NRP2: variants seen among roughly 807,000 people sequenced by gnomAD.
The protein encoded by NRP2 is neuropilin-2.
In NRP2, 52 loss-of-function variants were observed where a neutral mutation model predicts 110.4. The observed-to-expected ratio is 0.47, with a 90% CI of 0.38 to 0.59. The LOEUF (loss-of-function observed/expected upper bound fraction) is 0.59, where lower values mean the gene tolerates loss of function less well. Ranked by LOEUF, NRP2 falls within the 20% of genes least tolerant of loss-of-function variation. The probability of loss-of-function intolerance (pLI) is 0.00; values close to 1 mark genes in which losing one functional copy is unlikely to be tolerated. For synonymous variants in NRP2, 508 were observed against 468.9 expected (o/e 1.08, Z -1.08); for missense variants, 1,049 against 1,203.0 (o/e 0.87, Z 1.89).
intron 1 of NRP2, among the ~76,000 whole-genome samples, chr2:205,683,808 C>T (rs1189052848): frequency 6.6e-6 from 1 of 152,116 alleles, no homozygotes; most frequent in Non-Finnish European, 1.5e-5. Context: ...AACTGAAGGG[C>T]TTGGGAAAGA....
chr2:205,765,480 T>C lies in NRP2; in HGVS notation c.2314T>C (p.Phe772Leu). Residue 772 changes from phenylalanine to leucine, a missense_variant, in exon 14 of 17, where the codon TTC (phenylalanine) becomes CTC (leucine). Transcript: ENST00000357785. ...PSYDMEYQIV[F>L]EGVIGKGRSG... ...TTATTCTTCCGGCTTCTAGATTGTG[T>C]TCGAGGGAGTGATAGGGAAAGGACG... The C allele has an allele frequency of 6.2e-7, 1 of 1,614,018 alleles. No individual in the cohort carries two copies.
intron 15 of NRP2, chr2:205,778,156 C>A (rs936001353): frequency 1.3e-5 from 2 of 152,016 alleles, no homozygotes; most frequent in African/African-American, 4.8e-5. Flanking sequence ...GTATAAAATT[C>A]ACTCCAAAGA....
chr2:205,761,908 C>CA (rs1393171139), intron 12 of NRP2: 1 of 152,256 alleles, frequency 6.6e-6, no homozygotes, highest in East Asian at 1.9e-4. Context: ...TGAAATATTG[C>CA]ATGTAAATGT....
chr2:205,786,569 G>A (rs2058238350), intron 15 of NRP2, among the ~76,000 whole-genome samples: 1 of 152,184 alleles, frequency 6.6e-6, no homozygotes. Context: ...CATCTCTAAA[G>A]TCAAAGTGAT....
At chr2:205,697,312 C>CTGTGTG (rs3072627) in intron 1 of NRP2, among the ~76,000 whole-genome samples, 98 of 137,952 alleles carry the variant, frequency 7.1e-4, no homozygotes, top group African/African-American at 2.4e-3. Context: ...ATACTTTCAT[C>CTGTGTG]TGTGTGTGTG....
At chr2:205,771,100 G>A (rs1415408170) in intron 15 of NRP2, among the ~76,000 whole-genome samples, 3 of 152,218 alleles carry the variant, frequency 2.0e-5, no homozygotes, top group Non-Finnish European at 2.9e-5. Flanking sequence ...ACCAAAGAGT[G>A]TGAAGCGTCC....
At chr2:205,734,438 A>C (rs1216962570) in intron 7 of NRP2, among the ~76,000 whole-genome samples, 1 of 71,170 alleles carries the variant, frequency 1.4e-5, no homozygotes, top group East Asian at 3.3e-4. Flanking sequence ...CCCTCCCCCT[A>C]CTTGACTGTT....
At chr2:205,786,297 G>GT (rs1433185241) in intron 15 of NRP2, among the ~76,000 whole-genome samples, 1 of 152,186 alleles carries the variant, frequency 6.6e-6, no homozygotes, top group Non-Finnish European at 1.5e-5. Flanking sequence ...AGGTCTCAGT[G>GT]TTGTATTTCC....
chr2:205,793,710 A>G (rs2058325637), intron 16 of NRP2, among the ~76,000 whole-genome samples: 1 of 152,070 alleles, frequency 6.6e-6, no homozygotes, highest in Non-Finnish European at 1.5e-5. Flanking sequence ...TAAGGATACC[A>G]CTTTTATCGG....
chr2:205,744,039 C>G (rs1020233277), intron 9 of NRP2, among the ~76,000 whole-genome samples: 1 of 152,138 alleles, frequency 6.6e-6, no homozygotes, highest in Non-Finnish European at 1.5e-5. Context: ...CCACCGCGCC[C>G]GGCCTGGACT....
chr2:205,766,812 T>A lies in NRP2; in HGVS notation c.2425+9T>A, dbSNP rs746919986. 2.9e-5 allele frequency: 47 copies of A among 1,611,834 alleles called. 1 individual carries two copies. The highest frequency in any genetic ancestry group is 3.3e-4 in the Middle Eastern group (2 of 6,082). The stretch of plus-strand genomic sequence containing the variant: ...CATCTCGGCTTTTGCAGGTGAGAAT[T>A]TTAAAGGTAAAAAAAAATTTTTTTT... On this transcript the variant is annotated intron_variant, in intron 15 of 16. Coordinates refer to ENST00000357785, the MANE Select transcript of NRP2 (RefSeq NM_003872.3).
chr2:205,748,888 G>A (rs2057589158), intron 10 of NRP2, among the ~76,000 whole-genome samples: 1 of 152,204 alleles, frequency 6.6e-6, no homozygotes, highest in South Asian at 2.1e-4. Flanking sequence ...ATAAGCAAAT[G>A]AATAGGTGAA....
chr2:205,690,308 A>C (rs952008488), intron 1 of NRP2, among the ~76,000 whole-genome samples: 2 of 152,134 alleles, frequency 1.3e-5, no homozygotes, highest in African/African-American at 4.8e-5. Flanking sequence ...AATACCAACA[A>C]ATGGCTTAGT....
At chr2:205,773,626 A>G (rs1276372114) in intron 15 of NRP2, among the ~76,000 whole-genome samples, 1 of 152,100 alleles carries the variant, frequency 6.6e-6, no homozygotes, top group Admixed American at 6.5e-5. Flanking sequence ...ATGTACTAGG[A>G]TTTCACCTTC....
chr2:205,758,023 A>G (rs533998640), intron 12 of NRP2, among the ~76,000 whole-genome samples: 1 of 152,286 alleles, frequency 6.6e-6, no homozygotes. Flanking sequence ...GCAGAGTGAA[A>G]AAACAGCTCT....
At position 205,794,929 on chromosome 2, in the gene NRP2, C is replaced by T; in HGVS notation, c.2652C>T (p.Tyr884=). 2 of 1,614,212 alleles carry T rather than the reference C, an allele frequency of 1.2e-6. No homozygotes were observed. The highest frequency in any genetic ancestry group is 1.3e-5 in the African/African-American group (1 of 75,046). The change falls in exon 17 of 17, where the codon TAC becomes TAT. Residue 884 remains tyrosine (Y), a synonymous_variant. Transcript: ENST00000357785. ...LGATCAGLLL[Y]CTCSYSGLSS... ...CCACCTGTGCAGGCCTCCTGCTCTA[C>T]TGCACCTGTTCCTACTCGGGCCTGA...
rs1311939543 is a variant in NRP2 at position 205,722,564 on chromosome 2, G to T, written c.520G>T (p.Asp174Tyr). 1 of 1,614,170 alleles carries T rather than the reference G, an allele frequency of 6.2e-7. No homozygotes were observed. Among genetic ancestry groups the T allele is most frequent in the Admixed American group, 1.7e-5 (1 of 60,020 alleles). Residue 174 changes from aspartate (D) to tyrosine (Y), a missense_variant, in exon 4 of 17, where the codon GAC becomes TAC. Physicochemically the swap from Asp to Tyr is radical, Grantham distance 160. Transcript: ENST00000357785. ...GFPEKYPHNL[D>Y]CTFTILAKPK... is the part of the protein sequence containing the mutation. ...TCCTGAGAAGTATCCACACAACTTG[G>T]ACTGCACCTTTACCATCCTGGCCAA...
At chr2:205,735,362 G>A (rs545522247) in intron 7 of NRP2, among the ~76,000 whole-genome samples, 10 of 152,022 alleles carry the variant, frequency 6.6e-5, no homozygotes, top group African/African-American at 2.4e-4. Flanking sequence ...AGGTGACTGT[G>A]ACTAGAAATG....
At chr2:205,755,763 A>G (rs991643004) in intron 12 of NRP2, among the ~76,000 whole-genome samples, 21 of 152,238 alleles carry the variant, frequency 1.4e-4, no homozygotes, top group Middle Eastern at 3.4e-3. Context: ...TTTGCCATCC[A>G]CAGAGGGGAC....
Sources: allele counts gnomAD v4.1 joint callset (sites outside exome capture counted in the v4.1 genomes callset), GRCh38; gene constraint gnomAD v4.1.1; transcripts MANE v1.5; gene names NCBI Gene and HGNC (gene_info 2026-07-23, HGNC 2026-07-21).